Variants in ME1 observed in about 807,000 individuals in gnomAD.
ME1 encodes the protein NADP-dependent malic enzyme.
In ME1, 74 loss-of-function variants were observed where a neutral mutation model predicts 66.4. The ratio of observed to expected loss-of-function variants is 1.11; its 90% CI spans 0.92 to 1.35. The LOEUF (loss-of-function observed/expected upper bound fraction) is 1.35. ME1 is among the 40% of genes most tolerant of loss of function. ME1 has a pLI of 0.00. For missense variants in ME1, 750 were observed against 694.1 expected, an observed-to-expected ratio of 1.08 and a Z score of -0.90; for synonymous variants, 251 against 235.6, an observed-to-expected ratio of 1.07 and a Z score of -0.60.
At chr6:83,277,429 C>T (rs1272903598) in intron 6 of ME1, among the ~76,000 whole-genome samples, 1 of 152,180 alleles carries the variant, frequency 6.6e-6, no homozygotes, top group Non-Finnish European at 1.5e-5. Flanking sequence ...AAACCAATGT[C>T]CACTACAAGT....
At position 83,397,995 on chromosome 6, in the gene ME1, G is replaced by A. The variant is rs181845163; in HGVS notation, c.362+372C>T. Among the ~76,000 whole-genome samples the A allele has an allele frequency of 7.9e-5, 12 of 152,288 alleles. No individual in the cohort carries two copies. The East Asian group carries it at 2.3e-3, about 29-fold the overall frequency. On this transcript the variant is annotated intron_variant, in intron 3 of 13. Transcript: ENST00000369705. ...AGGAGAAAGGTAGGGGGAGCGGGTT[G>A]CGGGATTAGGGAAATGCTGGTTAAA... is the stretch of plus-strand genomic sequence containing the variant.
At chr6:83,423,897 C>T (rs1770319021) in intron 1 of ME1, among the ~76,000 whole-genome samples, 1 of 151,886 alleles carries the variant, frequency 6.6e-6, no homozygotes, top group Non-Finnish European at 1.5e-5. Context: ...TTTCTTGAGC[C>T]CAGGAGTTTC....
intron 6 of ME1, among the ~76,000 whole-genome samples, chr6:83,272,424 T>C (rs1471612879): frequency 6.6e-6 from 1 of 152,174 alleles, no homozygotes. Context: ...GTGTGTAACA[T>C]ACTTTAATTG....
intron 3 of ME1, among the ~76,000 whole-genome samples, chr6:83,371,641 A>C (rs1044790724): frequency 6.6e-6 from 1 of 152,170 alleles, no homozygotes; most frequent in Non-Finnish European, 1.5e-5. Context: ...GCAGTTTTCC[A>C]AAGAATTTTC....
At chr6:83,225,634 A>G (rs1224496193) in intron 11 of ME1, among the ~76,000 whole-genome samples, 5 of 152,146 alleles carry the variant, frequency 3.3e-5, no homozygotes, top group Non-Finnish European at 5.9e-5. Flanking sequence ...CTAGCTGTTT[A>G]TAAGACACTG....
intron 7 of ME1, among the ~76,000 whole-genome samples, chr6:83,252,912 G>A (rs1454481103): frequency 6.6e-6 from 1 of 152,198 alleles, no homozygotes; most frequent in Non-Finnish European, 1.5e-5. Context: ...CAACAATGTG[G>A]AATGCTGCTG....
rs374053623 is a variant in ME1, at chr6:83,237,351, AAAAG to A, written c.1026+362_1026+365del. ...AAGGAAGGAAGGAAGGAAAGAAAGA[AAAAG>A]AAAGAAAGAAAGAAAGAAAAGGAAG... On this transcript the variant is annotated intron_variant, in intron 9 of 13. Transcript: ENST00000369705. 6.1e-3 allele frequency among the ~76,000 whole-genome samples: 719 copies of A among 118,148 alleles called. 19 individuals carry two copies. The highest frequency in any genetic ancestry group is 0.027 in the African/African-American group (575 of 21,570). 77.5% of individuals were successfully genotyped at this position (118,148 alleles called of 152,430 possible).
chr6:83,254,623 A>T (rs1293390641), intron 6 of ME1, among the ~76,000 whole-genome samples: 1 of 152,138 alleles, frequency 6.6e-6, no homozygotes, highest in Non-Finnish European at 1.5e-5. Context: ...TAACCTTCTC[A>T]GTTTTCCCCT....
chr6:83,364,947 C>G (rs898982392), intron 3 of ME1, among the ~76,000 whole-genome samples: 1 of 152,122 alleles, frequency 6.6e-6, no homozygotes, highest in Non-Finnish European at 1.5e-5. Context: ...CACTCAGACA[C>G]CAATCTCTGA....
chr6:83,350,971 C>CAAAAA (rs34259968), intron 4 of ME1, among the ~76,000 whole-genome samples: 30 of 55,776 alleles, frequency 5.4e-4, no homozygotes, highest in South Asian at 1.0e-3. Flanking sequence ...GTGGAGAAAG[C>CAAAAA]AAAAAAAAAA....
chr6:83,398,455 AT>A lies in ME1; in HGVS notation c.273del (p.Ser92LeufsTer59). 6.9e-6 allele frequency: 11 copies of A among 1,591,678 alleles called. No homozygotes were observed. Among genetic ancestry groups the A allele is most frequent in the Non-Finnish European group, 9.4e-6 (11 of 1,164,334 alleles). Reference protein sequence around the residue: ...RNEKLFYRVLTSDIEKFMPIV... With the variant: ...RNEKLFYRVLXSDIEKFMPIV... ...ATAGGCATGAATTTCTCAATGTCAG[AT>A]GTCAGCACTCTATAAAAGAGTTTTT... On this transcript the variant is annotated frameshift_variant, in exon 3 of 14. Transcript: ENST00000369705. LOFTEE classifies it high-confidence loss of function.
At chr6:83,250,678 A>G (rs1003306949) in intron 7 of ME1, among the ~76,000 whole-genome samples, 3 of 152,124 alleles carry the variant, frequency 2.0e-5, no homozygotes, top group Admixed American at 6.5e-5. Context: ...TTTCAGCAAC[A>G]GCCTTCAAAT....
At chr6:83,277,461 C>T (rs1767204088) in intron 6 of ME1, among the ~76,000 whole-genome samples, 1 of 152,194 alleles carries the variant, frequency 6.6e-6, no homozygotes. Context: ...GTGTCATGGA[C>T]AGCCACAGGC....
chr6:83,420,173 T>A (rs1403443162), intron 1 of ME1, among the ~76,000 whole-genome samples: 1 of 152,168 alleles, frequency 6.6e-6, no homozygotes, highest in Non-Finnish European at 1.5e-5. Context: ...GTTCAAGTGA[T>A]TCTCCTGTCT....
rs1769974707 is a variant in ME1 at position 83,407,799 on chromosome 6, T to G, written c.181A>C (p.Asn61His). 1.2e-6 allele frequency: 2 copies of G among 1,608,746 alleles called. No individual in the cohort carries two copies. The highest frequency in any genetic ancestry group is 1.3e-5 in the African/African-American group (1 of 74,554). Residue 61 changes from asparagine to histidine, a missense_variant, in exon 2 of 14, where the codon AAT (asparagine) becomes CAT (histidine). By Grantham distance (68) the Asn-to-His change is moderately conservative (BLOSUM62 1). Coordinates refer to ENST00000369705, the MANE Select transcript of ME1 (RefSeq NM_002395.6). ...QEIQVLRVVK[N>H]FEHLNSDFDR... ...AAGTCAGAGTTCAGATGCTCGAAAT[T>G]TTTTACTACTCTAAGAACCTGGATC...
At chr6:83,308,199 A>T (rs915912177) in intron 6 of ME1, among the ~76,000 whole-genome samples, 1 of 152,186 alleles carries the variant, frequency 6.6e-6, no homozygotes, top group Non-Finnish European at 1.5e-5. Context: ...GTAGTATAAT[A>T]ACTACGTTTG....
At chr6:83,247,384 G>A (rs1035074012) in intron 7 of ME1, among the ~76,000 whole-genome samples, 1 of 151,974 alleles carries the variant, frequency 6.6e-6, no homozygotes, top group East Asian at 1.9e-4. Flanking sequence ...AATTTATAAT[G>A]AGAATGCATT....
At chr6:83,342,336 T>C (rs1310751473) in intron 5 of ME1, among the ~76,000 whole-genome samples, 1 of 152,236 alleles carries the variant, frequency 6.6e-6, no homozygotes, top group Non-Finnish European at 1.5e-5. Context: ...TGTCCAATTC[T>C]TTGTTCACCA....
chr6:83,415,074 C>A (rs578204707), intron 1 of ME1, among the ~76,000 whole-genome samples: 1 of 152,266 alleles, frequency 6.6e-6, no homozygotes, highest in East Asian at 1.9e-4. Flanking sequence ...TACCTTTATA[C>A]TATTTTTTAA....
Sources: allele counts gnomAD v4.1 joint callset (sites outside exome capture counted in the v4.1 genomes callset), GRCh38; gene constraint gnomAD v4.1.1; transcripts MANE v1.5; gene names NCBI Gene and HGNC (gene_info 2026-07-23, HGNC 2026-07-21).